HADH: variants seen among roughly 807,000 people sequenced by gnomAD.
HADH encodes the protein hydroxyacyl-coenzyme A dehydrogenase, mitochondrial.
In HADH, 24 loss-of-function variants were observed where a neutral mutation model predicts 32.2. The observed-to-expected ratio is 0.75, with a 90% CI of 0.54 to 1.05. HADH has a LOEUF of 1.05. Among genes scored for constraint, HADH ranks in the 50% least tolerant of loss-of-function variants. The pLI is 0.00. For missense variants in HADH, 350 were observed against 397.1 expected (o/e 0.88, Z 1.01); for synonymous variants, 139 against 152.5 (o/e 0.91, Z 0.65).
intron 3 of HADH, among the ~76,000 whole-genome samples, chr4:108,016,413 G>T (rs1367948879): frequency 2.6e-5 from 4 of 152,152 alleles, no homozygotes; most frequent in Non-Finnish European, 5.9e-5. Context: ...TCTGTCATCT[G>T]TCCATCACTG....
At chr4:108,004,906 A>T in intron 1 of HADH, 1 of 1,535,510 alleles carries the variant, frequency 6.5e-7, no homozygotes, top group East Asian at 2.4e-5. Flanking sequence ...CTGGGAGGCT[A>T]TTGTTAAAGA....
chr4:108,025,978 A>G (rs1180070210), intron 5 of HADH: 1 of 152,178 alleles, frequency 6.6e-6, no homozygotes, highest in Admixed American at 6.6e-5. Context: ...ACAGTGGGGG[A>G]AAAACCTTTG....
intron 2 of HADH, among the ~76,000 whole-genome samples, chr4:108,012,119 A>G (rs6533335): frequency 0.87 from 131,648 of 151,850 alleles, 57,940 homozygotes; most frequent in East Asian, 0.97. Context: ...CTGCTCTCAA[A>G]CTCCTGGCCT....
At chr4:107,999,336 A>G (rs1383946433) in intron 1 of HADH, among the ~76,000 whole-genome samples, 1 of 152,248 alleles carries the variant, frequency 6.6e-6, no homozygotes, top group Non-Finnish European at 1.5e-5. Context: ...ACGCATAGCA[A>G]CTGCCCTACA....
At chr4:107,990,187 C>T (rs1734736560) in intron 1 of HADH, 123 bp downstream of exon 1, 8 of 996,228 alleles carry the variant, frequency 8.0e-6, no homozygotes, top group Non-Finnish European at 1.2e-5. Context: ...CACCCCGCGC[C>T]TCCCGGGTGT....
chr4:107,996,538 T>A (rs1734963187), intron 1 of HADH, among the ~76,000 whole-genome samples: 1 of 152,098 alleles, frequency 6.6e-6, no homozygotes, highest in Non-Finnish European at 1.5e-5. Flanking sequence ...TTAGAAATAC[T>A]TTTTGAAATG....
chr4:107,991,227 T>C (rs956598536), intron 1 of HADH, among the ~76,000 whole-genome samples: 11 of 152,188 alleles, frequency 7.2e-5, no homozygotes, highest in Admixed American at 1.3e-4. Flanking sequence ...TAGCTGATTA[T>C]ATTCTTAGCA....
chr4:108,023,653 T>A, intron 5 of HADH, 90 bp downstream of exon 5: 1 of 840,980 alleles, frequency 1.2e-6, no homozygotes, highest in East Asian at 2.4e-5. Flanking sequence ...TAGAATGATG[T>A]GAAAGAAGGA....
In HADH at chr4:108,027,751, T is replaced by C. The variant is rs1253780004; in HGVS notation, c.700T>C (p.Tyr234His). ...VPYLMEAIRL[Y>H]ERGDASKEDI... ...ATACCTCATGGAAGCAATCAGGCTG[T>C]ATGAACGAGGTATCCTTCTGACCCA... The change falls in exon 6 of 8, where the codon TAT becomes CAT. Residue 234 changes from tyrosine to histidine, a missense_variant. Tyr to His is a moderately conservative substitution (Grantham distance 83). Transcript: ENST00000309522. 2 of 1,597,862 alleles carry C rather than the reference T, an allele frequency of 1.3e-6. No homozygotes were observed. The highest frequency in any genetic ancestry group is 1.3e-5 in the African/African-American group (1 of 74,572).
chr4:108,030,654 C>G (rs563361137), intron 6 of HADH: 2 of 152,342 alleles, frequency 1.3e-5, no homozygotes, highest in South Asian at 4.1e-4. Flanking sequence ...GTTAGGGGCT[C>G]TTAACTGGAG....
intron 1 of HADH, among the ~76,000 whole-genome samples, chr4:107,995,854 A>G (rs533073325): frequency 6.6e-6 from 1 of 152,286 alleles, no homozygotes; most frequent in African/African-American, 2.4e-5. Flanking sequence ...CTCTGGAATC[A>G]GTACATCCCA....
chr4:107,999,327 C>T (rs976051378), intron 1 of HADH, among the ~76,000 whole-genome samples: 4 of 152,316 alleles, frequency 2.6e-5, no homozygotes, highest in African/African-American at 7.2e-5. Flanking sequence ...CATTGGGCAA[C>T]GCATAGCAAC....
In HADH at chr4:108,015,167, G is replaced by T. The variant is rs142827267; in HGVS notation, c.419+579G>T. On this transcript the variant is annotated intron_variant, in intron 3 of 7. Transcript: ENST00000309522. ...TACCCAATAGTGGGGCTGCTGGATC[G>T]CATGGTAGTTCTGTTTTTAGTTTTT... is the stretch of plus-strand genomic sequence containing the variant. Among the ~76,000 whole-genome samples the T allele has an allele frequency of 5.9e-5, 9 of 152,162 alleles. 1 individual carries two copies. The East Asian group carries it at 1.5e-3, about 26-fold the overall frequency.
At chr4:108,023,639 CT>C in intron 5 of HADH, 76 bp downstream of exon 5, 1 of 882,904 alleles carries the variant, frequency 1.1e-6, no homozygotes, top group Non-Finnish European at 1.9e-6. Flanking sequence ...TAGAATTCTT[CT>C]CATAGAATGA....
Position 108,034,250 on chromosome 4 carries a change from A to G in HADH, c.838A>G (p.Met280Val), listed in dbSNP as rs1174999520. The change falls in exon 8 of 8, where the codon ATG becomes GTG. Residue 280 changes from methionine (M) to valine (V), a missense_variant. Met to Val is a conservative substitution (Grantham distance 21). Coordinates refer to ENST00000309522, the MANE Select transcript of HADH (RefSeq NM_005327.7). ...TKFIVDGWHE[M>V]DAENPLHQPS... ...CCTCCGCTCAATAGGGTGGCATGAA[A>G]TGGATGCAGAGAACCCATTACATCA... 1.2e-6 allele frequency: 2 copies of G among 1,606,356 alleles called. No homozygotes were observed. The highest frequency in any genetic ancestry group is 1.3e-5 in the African/African-American group (1 of 74,804).
At chr4:108,027,522 G>C in intron 5 of HADH, 166 bp from the exon 6 acceptor site, 1 of 687,150 alleles carries the variant, frequency 1.5e-6, no homozygotes, top group South Asian at 1.5e-5. Flanking sequence ...TGGATAAATT[G>C]TCATATGAGA....
chr4:107,990,191 C>T, intron 1 of HADH, 127 bp downstream of exon 1: 6 of 964,364 alleles, frequency 6.2e-6, no homozygotes, highest in Non-Finnish European at 4.6e-6. Flanking sequence ...CCGCGCCTCC[C>T]GGGTGTAGTT....
chr4:108,020,960 T>A (rs566655235), intron 4 of HADH, among the ~76,000 whole-genome samples: 1 of 152,326 alleles, frequency 6.6e-6, no homozygotes, highest in African/African-American at 2.4e-5. Context: ...CCATTTTTTT[T>A]AGCATTTTCT....
intron 1 of HADH, among the ~76,000 whole-genome samples, chr4:108,009,261 A>G (rs1035286048): frequency 6.6e-6 from 1 of 152,226 alleles, no homozygotes; most frequent in Non-Finnish European, 1.5e-5. Flanking sequence ...GGAGAAAAGG[A>G]TGGTGGCTGG....
Sources: allele counts gnomAD v4.1 joint callset (sites outside exome capture counted in the v4.1 genomes callset), GRCh38; gene constraint gnomAD v4.1.1; transcripts MANE v1.5; gene names NCBI Gene and HGNC (gene_info 2026-07-23, HGNC 2026-07-21).